CDH2: variants seen among roughly 807,000 people sequenced by gnomAD.
The protein encoded by CDH2 is cadherin-2.
In CDH2, 17 loss-of-function variants were observed where a neutral mutation model predicts 92.0. The observed-to-expected ratio is 0.18, with a 90% CI of 0.13 to 0.28. CDH2 has a LOEUF of 0.28. Among genes scored for constraint, CDH2 ranks in the 10% least tolerant of loss-of-function variants. CDH2 has a pLI of 1.00. For synonymous variants in CDH2, 419 were observed against 415.9 expected, an observed-to-expected ratio of 1.01 and a Z score of -0.09; for missense variants, 862 against 1,133.1, an observed-to-expected ratio of 0.76 and a Z score of 3.44.
At position 27,985,279 on chromosome 18, in the gene CDH2, C is replaced by T. The variant is rs202209069; in HGVS notation, c.1976-46G>A. On this transcript the variant is annotated intron_variant, in intron 12 of 15. Transcript: ENST00000269141. Reference sequence around the variant, plus strand: ...ATAGTTTGATAGGTAATACTTAAAGCGATAAAAAAACACATAGCATTGTTC... The same window carrying T: ...ATAGTTTGATAGGTAATACTTAAAGTGATAAAAAAACACATAGCATTGTTC... The T allele has an allele frequency of 9.0e-5, 101 of 1,122,462 alleles. No individual in the cohort carries two copies. In the South Asian group the frequency reaches 9.6e-4, roughly 11 times the overall value. 69.5% of individuals were successfully genotyped at this position (1,122,462 alleles called of 1,614,324 possible). A position where few individuals can be genotyped will look rare whatever the true frequency, so the allele number is the denominator to read the frequency against.
At chr18:27,958,263 A>T (rs4430827) in intron 15 of CDH2, among the ~76,000 whole-genome samples, 118,505 of 151,856 alleles carry the variant, frequency 0.78, 46,845 homozygotes, top group Non-Finnish European at 0.85. Flanking sequence ...AGAAATTAAA[A>T]TTAATTAATA....
chr18:28,112,385 A>G (rs2144256062), intron 2 of CDH2, among the ~76,000 whole-genome samples: 1 of 152,326 alleles, frequency 6.6e-6, no homozygotes, highest in Non-Finnish European at 1.5e-5. Context: ...ATGAGTGGAA[A>G]AAGATTCTGT....
chr18:28,047,008 A>T (rs1455822220), intron 2 of CDH2, among the ~76,000 whole-genome samples: 2 of 152,228 alleles, frequency 1.3e-5, no homozygotes, highest in Non-Finnish European at 2.9e-5. Context: ...TTCAAGAATT[A>T]TACATTACTG....
At chr18:28,002,856 C>G (rs913211492) in intron 7 of CDH2, 141 bp downstream of exon 7, 1 of 769,136 alleles carries the variant, frequency 1.3e-6, no homozygotes, top group African/African-American at 1.7e-5. Flanking sequence ...GAAAAATATA[C>G]AACAGATTAC....
intron 3 of CDH2, among the ~76,000 whole-genome samples, chr18:28,012,872 T>A (rs2013139012): frequency 6.6e-6 from 1 of 152,138 alleles, no homozygotes; most frequent in Admixed American, 6.6e-5. Context: ...TACAATTAAA[T>A]ACCAGAAATG....
At chr18:28,033,962 T>G (rs1284574571) in intron 2 of CDH2, among the ~76,000 whole-genome samples, 4 of 152,124 alleles carry the variant, frequency 2.6e-5, no homozygotes, top group Non-Finnish European at 5.9e-5. Flanking sequence ...AATAAGCCAC[T>G]ATCATTTTAT....
intron 2 of CDH2, among the ~76,000 whole-genome samples, chr18:28,056,634 T>G (rs964158459): frequency 2.8e-4 from 42 of 152,316 alleles, no homozygotes; most frequent in African/African-American, 1.0e-3. Flanking sequence ...GATCCCATTT[T>G]GATCAAGTGT....
chr18:28,066,253 T>G, intron 2 of CDH2, among the ~76,000 whole-genome samples: 1 of 152,116 alleles, frequency 6.6e-6, no homozygotes, highest in East Asian at 1.9e-4. Context: ...TTACTAAATA[T>G]AAAATAATTG....
At chr18:28,082,656 G>T (rs536144459) in intron 2 of CDH2, among the ~76,000 whole-genome samples, 1 of 152,144 alleles carries the variant, frequency 6.6e-6, no homozygotes, top group Admixed American at 6.5e-5. Context: ...TCATAAAATG[G>T]TGCATTATAC....
intron 15 of CDH2, 37 bp downstream of exon 15, chr18:27,963,320 G>A (rs776234909): frequency 6.2e-6 from 10 of 1,600,044 alleles, no homozygotes; most frequent in Non-Finnish European, 7.7e-6. Flanking sequence ...AGCATGAAAT[G>A]AAAACTCTTA....
chr18:28,007,165 A>ATATATATATATATAT (rs1555632743), intron 5 of CDH2, among the ~76,000 whole-genome samples: 1 of 110,502 alleles, frequency 9.0e-6, no homozygotes, highest in East Asian at 2.3e-4. Context: ...ATAAAAAAAA[A>ATATATATATATATAT]ATATATATAT....
chr18:28,029,446 C>T (rs1185928585), intron 2 of CDH2, among the ~76,000 whole-genome samples: 1 of 151,498 alleles, frequency 6.6e-6, no homozygotes, highest in Non-Finnish European at 1.5e-5. Context: ...AAAATGCCAT[C>T]ATTGGTTTTT....
At chr18:28,092,206 C>T in intron 2 of CDH2, among the ~76,000 whole-genome samples, 1 of 152,064 alleles carries the variant, frequency 6.6e-6, no homozygotes, top group East Asian at 1.9e-4. Context: ...ATAATGTCTC[C>T]TTCTCTCAGT....
intron 1 of CDH2, among the ~76,000 whole-genome samples, chr18:28,161,962 G>C (rs569247842): frequency 6.6e-6 from 1 of 152,282 alleles, no homozygotes; most frequent in East Asian, 1.9e-4. Flanking sequence ...CGACAGATGG[G>C]AGCACTGTCA....
At chr18:28,137,159 TA>T (rs1238273288) in intron 2 of CDH2, among the ~76,000 whole-genome samples, 2 of 152,158 alleles carry the variant, frequency 1.3e-5, no homozygotes, top group East Asian at 3.9e-4. Flanking sequence ...TTCCTCACAC[TA>T]ATGAAAACCT....
chr18:28,126,581 A>G (rs948905797), intron 2 of CDH2, among the ~76,000 whole-genome samples: 2 of 152,356 alleles, frequency 1.3e-5, no homozygotes, highest in African/African-American at 2.4e-5. Flanking sequence ...TTACATAAGT[A>G]TAATAAAATA....
chr18:28,010,278 T>C (rs540565550), intron 4 of CDH2, among the ~76,000 whole-genome samples: 7 of 152,288 alleles, frequency 4.6e-5, no homozygotes, highest in African/African-American at 1.7e-4. Flanking sequence ...GAATTAATTG[T>C]CTATCCATAG....
chr18:27,998,544 C>T (rs138250053), intron 7 of CDH2, among the ~76,000 whole-genome samples: 2 of 152,260 alleles, frequency 1.3e-5, no homozygotes, highest in South Asian at 2.1e-4. Flanking sequence ...GCAGCATGTG[C>T]ACAGGTCAAG....
intron 2 of CDH2, among the ~76,000 whole-genome samples, chr18:28,074,379 T>A (rs1467529982): frequency 6.6e-6 from 1 of 152,154 alleles, no homozygotes; most frequent in African/African-American, 2.4e-5. Flanking sequence ...TTAAATTAAC[T>A]CTCTAATTCC....
Sources: gnomAD v4.1 joint callset for allele counts (sites outside exome capture counted in the v4.1 genomes callset) on GRCh38, gnomAD v4.1.1 for gene constraint, MANE v1.5 for transcripts, NCBI Gene and HGNC (gene_info 2026-07-23, HGNC 2026-07-21) for gene names.